Variants in GRIN2A observed in about 807,000 individuals in gnomAD.
GRIN2A encodes glutamate ionotropic receptor NMDA type subunit 2A.
In GRIN2A, 22 loss-of-function variants were observed where a neutral mutation model predicts 113.4. The observed-to-expected ratio is 0.19, with a 90% CI of 0.14 to 0.28. The LOEUF (loss-of-function observed/expected upper bound fraction) is 0.28. GRIN2A is among the 10% of genes least tolerant of loss of function. The pLI, the probability that GRIN2A is intolerant of heterozygous loss-of-function variation, is 1.00. For missense variants in GRIN2A, 1,502 were observed against 1,887.0 expected (o/e 0.80, Z 3.78); for synonymous variants, 827 against 738.4 (o/e 1.12, Z -1.94).
chr16:10,017,345 T>C lies in GRIN2A; in HGVS notation c.415-78794A>G, dbSNP rs148418322. On this transcript the variant is annotated intron_variant, in intron 2 of 12. Transcript: ENST00000330684. ...AGCATGATAGGGCACTTGATGAGTC[T>C]TGGTGGGGCGGCAGTCAGAGAAGAC... 5.8e-4 allele frequency among the ~76,000 whole-genome samples: 88 copies of C among 151,824 alleles called. 1 individual carries two copies. The East Asian group carries it at 0.014, about 24-fold the overall frequency.
In GRIN2A at chr16:10,021,979, G is replaced by C. The variant is rs572603126; in HGVS notation, c.415-83428C>G. On this transcript the variant is annotated intron_variant, in intron 2 of 12. Coordinates refer to ENST00000330684, the MANE Select transcript of GRIN2A (RefSeq NM_001134407.3). ...CTCAGTTTTCTCATTAGTAAAATGA[G>C]AGTAATGGTCATAATACCTATCTCA... Among the ~76,000 whole-genome samples the C allele has an allele frequency of 7.9e-5, 12 of 152,242 alleles. No individual in the cohort carries two copies. The South Asian group carries it at 2.3e-3, about 29-fold the overall frequency.
At chr16:10,139,086 G>A (rs1353907563) in intron 2 of GRIN2A, among the ~76,000 whole-genome samples, 1 of 152,232 alleles carries the variant, frequency 6.6e-6, no homozygotes, top group African/African-American at 2.4e-5. Context: ...ACCGGATGGA[G>A]ACAGCACGGA....
intron 11 of GRIN2A, among the ~76,000 whole-genome samples, chr16:9,784,196 G>A (rs1191855579): frequency 2.6e-5 from 4 of 152,096 alleles, no homozygotes; most frequent in East Asian, 1.9e-4. Flanking sequence ...TTGGGAAGCC[G>A]AGGTGGGTGG....
chr16:10,114,370 C>T (rs534452052), intron 2 of GRIN2A, among the ~76,000 whole-genome samples: 3 of 152,166 alleles, frequency 2.0e-5, no homozygotes, highest in Non-Finnish European at 2.9e-5. Context: ...AGATTATGTG[C>T]GGGTAAAGCC....
chr16:9,948,671 G>T (rs2045086251), intron 2 of GRIN2A, among the ~76,000 whole-genome samples: 2 of 152,196 alleles, frequency 1.3e-5, no homozygotes, highest in African/African-American at 2.4e-5. Flanking sequence ...AACACTTTCA[G>T]TTATGAGTCA....
rs1050686893 is a variant in GRIN2A, at chr16:9,758,306, A to G, written c.*4843T>C. On this transcript the variant is annotated 3_prime_UTR_variant, in exon 13 of 13. Transcript: ENST00000330684. ...GTTTAAGGAAATCACACACAAGTCC[A>G]TATCGGCATTGTCTTCAGAAGCAAA... 3.1e-5 allele frequency: 7 copies of G among 224,588 alleles called. No individual in the cohort carries two copies. The highest frequency in any genetic ancestry group is 1.6e-4 in the African/African-American group (7 of 44,848). The allele number at this position is 224,588 out of a possible 1,614,324, so 13.9% of individuals were successfully genotyped here. A position where few individuals can be genotyped will look rare whatever the true frequency, so the allele number is the denominator to read the frequency against.
chr16:9,899,975 G>A (rs2043886109), intron 3 of GRIN2A, among the ~76,000 whole-genome samples: 1 of 152,238 alleles, frequency 6.6e-6, no homozygotes, highest in Admixed American at 6.5e-5. Flanking sequence ...TTCCTTTTCT[G>A]TAAAAGTGAG....
chr16:10,055,698 C>T (rs891020565), intron 2 of GRIN2A, among the ~76,000 whole-genome samples: 1 of 152,202 alleles, frequency 6.6e-6, no homozygotes, highest in African/African-American at 2.4e-5. Flanking sequence ...CTAAGCCCTT[C>T]CTTAGGCAAA....
chr16:9,888,989 T>A (rs1178717334), intron 4 of GRIN2A, among the ~76,000 whole-genome samples: 1 of 152,166 alleles, frequency 6.6e-6, no homozygotes, highest in East Asian at 1.9e-4. Context: ...AATATATTAT[T>A]ACATTATGAT....
chr16:9,978,420 G>C (rs1363723760), intron 2 of GRIN2A, among the ~76,000 whole-genome samples: 3 of 152,108 alleles, frequency 2.0e-5, no homozygotes, highest in Non-Finnish European at 4.4e-5. Context: ...TGATTAACAT[G>C]AGTATGGAAG....
intron 2 of GRIN2A, among the ~76,000 whole-genome samples, chr16:10,162,832 C>T (rs1190206123): frequency 6.6e-6 from 1 of 152,182 alleles, no homozygotes; most frequent in Admixed American, 6.5e-5. Context: ...CAGAGACGTG[C>T]TTCTTTCTCC....
chr16:10,148,848 A>T (rs986245616), intron 2 of GRIN2A, among the ~76,000 whole-genome samples: 2 of 152,266 alleles, frequency 1.3e-5, no homozygotes, highest in African/African-American at 4.8e-5. Context: ...ATGAATAAAG[A>T]AAATGTGGTA....
intron 10 of GRIN2A, among the ~76,000 whole-genome samples, chr16:9,817,188 T>C (rs1299812690): frequency 1.3e-5 from 2 of 152,242 alleles, no homozygotes; most frequent in Non-Finnish European, 2.9e-5. Flanking sequence ...ATAAAATGTG[T>C]TTCTTCAACT....
intron 2 of GRIN2A, among the ~76,000 whole-genome samples, chr16:10,073,358 C>G (rs879570408): frequency 1.3e-5 from 2 of 152,132 alleles, no homozygotes; most frequent in African/African-American, 2.4e-5. Context: ...AGACTGCAGT[C>G]TCTAAAGACA....
intron 5 of GRIN2A, among the ~76,000 whole-genome samples, chr16:9,847,647 T>C (rs2042797879): frequency 6.7e-6 from 1 of 148,614 alleles, no homozygotes; most frequent in South Asian, 2.1e-4. Flanking sequence ...CATAAAAATA[T>C]ATGTTTTATA....
At chr16:10,130,968 A>G (rs1478404688) in intron 2 of GRIN2A, among the ~76,000 whole-genome samples, 1 of 152,204 alleles carries the variant, frequency 6.6e-6, no homozygotes, top group Non-Finnish European at 1.5e-5. Flanking sequence ...AGGCAGCAAT[A>G]TAAAAACCAG....
At chr16:10,116,854 C>A (rs1212227171) in intron 2 of GRIN2A, among the ~76,000 whole-genome samples, 1 of 152,124 alleles carries the variant, frequency 6.6e-6, no homozygotes, top group African/African-American at 2.4e-5. Context: ...TCCCCTGCCA[C>A]TTCAGGTCTG....
chr16:9,920,966 A>T (rs145583068), intron 3 of GRIN2A, among the ~76,000 whole-genome samples: 6 of 152,238 alleles, frequency 3.9e-5, no homozygotes, highest in Admixed American at 6.5e-5. Flanking sequence ...GATTTTGCTC[A>T]ATCCTCTGTA....
chr16:9,899,621 A>T (rs1294193717), intron 3 of GRIN2A, among the ~76,000 whole-genome samples: 1 of 152,110 alleles, frequency 6.6e-6, no homozygotes, highest in Non-Finnish European at 1.5e-5. Context: ...CAATTAAAAA[A>T]ATAATGTTAG....
Sources: gnomAD v4.1 joint callset for allele counts (sites outside exome capture counted in the v4.1 genomes callset) on GRCh38, gnomAD v4.1.1 for gene constraint, MANE v1.5 for transcripts, NCBI Gene and HGNC (gene_info 2026-07-23, HGNC 2026-07-21) for gene names.